The following TMEM269 variants were observed in gnomAD, a reference collection of about 807,000 sequenced individuals.
TMEM269 encodes transmembrane protein 269.
Under a neutral mutation model 15.8 loss-of-function variants are expected in TMEM269, and 12 were observed. That is an observed-to-expected ratio of 0.76 (90% CI 0.49 to 1.23). The LOEUF (loss-of-function observed/expected upper bound fraction) is 1.23, where lower values mean the gene tolerates loss of function less well. Ranked by LOEUF, TMEM269 falls within the 50% of genes most tolerant of loss-of-function variation. The pLI is 0.00. For missense variants in TMEM269, 211 were observed against 245.4 expected (o/e 0.86, Z 0.94); for synonymous variants, 93 against 99.3 (o/e 0.94, Z 0.38).
intron 1 of TMEM269, chr1:42,789,428 C>G: frequency 6.5e-7 from 1 of 1,535,346 alleles, no homozygotes; most frequent in South Asian, 1.2e-5. Context: ...GGGCCCACCT[C>G]TCAGATGGGA....
At chr1:42,789,447 C>T (rs1653640223) in intron 1 of TMEM269, 1 of 1,535,520 alleles carries the variant, frequency 6.5e-7, no homozygotes, top group African/African-American at 1.4e-5. Context: ...GAGAAGGGCC[C>T]CATACCCCCT....
chr1:42,789,474 G>A, intron 1 of TMEM269: 1 of 1,535,566 alleles, frequency 6.5e-7, no homozygotes, highest in East Asian at 2.4e-5. Context: ...TGGGCCATGG[G>A]GCTTCAGGAG....
At position 42,789,094 on chromosome 1, in the gene TMEM269, T is replaced by C. The variant is rs376471877; in HGVS notation, c.-98-702T>C. ...TGCACCGCCACACCCGGCTAATTTTTGTATTTTTAGTAGAGACAGGGTTTC... is the reference window on the plus strand; with the variant it reads ...TGCACCGCCACACCCGGCTAATTTTCGTATTTTTAGTAGAGACAGGGTTTC... On this transcript the variant is annotated intron_variant, in intron 1 of 5. Transcript: ENST00000637012. 2.6e-5 allele frequency among the ~76,000 whole-genome samples: 4 copies of C among 152,128 alleles called. No homozygotes were observed. In the East Asian group the frequency reaches 7.7e-4, roughly 29 times the overall value.
chr1:42,797,670 G>A lies in TMEM269; in HGVS notation c.485-428G>A, dbSNP rs544560252. Among the ~76,000 whole-genome samples, 48 of 152,346 alleles carry A rather than the reference G, an allele frequency of 3.2e-4. No individual in the cohort carries two copies. The highest frequency in any genetic ancestry group is 2.1e-3 in the Admixed American group (32 of 15,298). On this transcript the variant is annotated intron_variant, in intron 5 of 5. Coordinates refer to ENST00000637012, the MANE Select transcript of TMEM269 (RefSeq NM_001354602.2). This position sits in a 1 kb window ranked among gnomAD's most constrained non-coding sequence, Gnocchi z 4.9. The stretch of plus-strand genomic sequence containing the variant: ...GCCAGCCTTGCAAGAAGGCCTTTCT[G>A]AGGATAGCAGTCTCAGGCCTGCACG...
chr1:42,794,751 A>T, intron 5 of TMEM269, 138 bp downstream of exon 5: 1 of 676,440 alleles, frequency 1.5e-6, no homozygotes, highest in Non-Finnish European at 2.5e-6. Flanking sequence ...CATATTTACT[A>T]GTTTTCTTAT....
intron 2 of TMEM269, 57 bp from the exon 3 acceptor site, chr1:42,792,748 C>A: frequency 9.6e-7 from 1 of 1,039,402 alleles, no homozygotes; most frequent in Non-Finnish European, 1.5e-6. Flanking sequence ...AGGGGAGAGT[C>A]TCCAGTGGAA....
intron 1 of TMEM269, 26 bp downstream of exon 1, chr1:42,785,108 G>A (rs1653513701): frequency 6.6e-6 from 1 of 152,372 alleles, no homozygotes; most frequent in African/African-American, 2.4e-5. Flanking sequence ...CGCGTGGAAG[G>A]GGCGAGAAGG....
chr1:42,799,257 A>T lies in TMEM269; in HGVS notation c.*1032A>T, dbSNP rs1214053184. ...AAACAGTACTGTATGGCAAAGGTGT[A>T]CCTCACCGAGAACTCAGGTCCACTG... is the stretch of plus-strand genomic sequence containing the variant. On this transcript the variant is annotated 3_prime_UTR_variant, in exon 6 of 6. Coordinates refer to ENST00000637012, the MANE Select transcript of TMEM269 (RefSeq NM_001354602.2). 6.6e-6 allele frequency: 1 copy of T among 151,876 alleles called. No individual in the cohort carries two copies. Among genetic ancestry groups the T allele is most frequent in the Non-Finnish European group, 1.5e-5 (1 of 67,972 alleles). The allele number at this position is 151,876 out of a possible 1,614,324, so 9.4% of individuals were successfully genotyped here.
rs972816826 is a variant in TMEM269 at position 42,788,060 on chromosome 1, C to T, written c.-98-1736C>T. ...CTCTGGCCATGTAGCTACTGATCAC[C>T]TTTGGTGAGTGAGGCTGGCCCATGG... On this transcript the variant is annotated intron_variant, in intron 1 of 5. Coordinates refer to ENST00000637012, the MANE Select transcript of TMEM269 (RefSeq NM_001354602.2). This position sits in a 1 kb window ranked among gnomAD's most constrained non-coding sequence, Gnocchi z 4.0. The T allele has an allele frequency of 2.0e-5, 3 of 152,374 alleles. No homozygotes were observed. Among genetic ancestry groups the T allele is most frequent in the Non-Finnish European group, 2.9e-5 (2 of 68,170 alleles). 9.4% of individuals were successfully genotyped at this position (152,374 alleles called of 1,614,324 possible).
intron 2 of TMEM269, among the ~76,000 whole-genome samples, chr1:42,790,743 C>A (rs1391243796): frequency 6.6e-6 from 1 of 152,010 alleles, no homozygotes; most frequent in African/African-American, 2.4e-5. Context: ...CAGAAAATTT[C>A]TATCCTCTTA....
chr1:42,792,985 C>T (rs905321872), intron 3 of TMEM269, 83 bp downstream of exon 3: 28 of 1,089,524 alleles, frequency 2.6e-5, no homozygotes, highest in Non-Finnish European at 3.4e-5. Flanking sequence ...TCTAACATCC[C>T]GCAGGCCTTC....
intron 1 of TMEM269, among the ~76,000 whole-genome samples, 177 bp downstream of exon 1, chr1:42,785,259 G>A (rs1206290680): frequency 6.6e-6 from 1 of 152,202 alleles, no homozygotes; most frequent in Admixed American, 6.5e-5. Flanking sequence ...GCCCTCCGTC[G>A]GAGGGTTTCC....
At chr1:42,793,358 A>G (rs1000603854) in intron 3 of TMEM269, among the ~76,000 whole-genome samples, 6 of 152,218 alleles carry the variant, frequency 3.9e-5, no homozygotes, top group African/African-American at 1.4e-4. Context: ...CAAGCCTTGC[A>G]TGTTAAGGGA....
In TMEM269 at chr1:42,793,582, C is replaced by A. The variant is rs2124219920; in HGVS notation, c.140-19C>A. 1 of 1,544,884 alleles carries A rather than the reference C, an allele frequency of 6.5e-7. No individual in the cohort carries two copies. Among genetic ancestry groups the A allele is most frequent in the South Asian group, 1.2e-5 (1 of 83,122 alleles). On this transcript the variant is annotated intron_variant, in intron 3 of 5. Coordinates refer to ENST00000637012, the MANE Select transcript of TMEM269 (RefSeq NM_001354602.2). The stretch of plus-strand genomic sequence containing the variant: ...ACGTGGGAGTATAAGTTCTTCTAAC[C>A]TTGGGCCGTCTGGGGCAGGAGCCGA...
At chr1:42,786,675 G>A (rs548570605) in intron 1 of TMEM269, among the ~76,000 whole-genome samples, 18 of 152,190 alleles carry the variant, frequency 1.2e-4, no homozygotes, top group Non-Finnish European at 2.2e-4. Context: ...GCCCCTTTTC[G>A]GTGCTCCATT....
chr1:42,795,775 C>T (rs766070183), intron 5 of TMEM269, among the ~76,000 whole-genome samples: 2 of 152,218 alleles, frequency 1.3e-5, no homozygotes. Context: ...GTAAACAAGA[C>T]AAACATCTAT....
In TMEM269 at chr1:42,798,134, C is replaced by T. The variant is rs562846160; in HGVS notation, c.521C>T (p.Ser174Phe). 516 of 1,551,060 alleles carry T rather than the reference C, an allele frequency of 3.3e-4. 3 individuals carry two copies. In the South Asian group the frequency reaches 5.9e-3, roughly 18 times the overall value. Residue 174 changes from serine (S) to phenylalanine (F), a missense_variant, in exon 6 of 6, where the codon TCT becomes TTT. Ser to Phe is a radical substitution (Grantham distance 155). Coordinates refer to ENST00000637012, the MANE Select transcript of TMEM269 (RefSeq NM_001354602.2). ...CTGTTTTTCTCCCCATTGTCTCTGTCTGCTTTTTACTGCCTGATGTGGTCG... is the reference window on the plus strand; with the variant it reads ...CTGTTTTTCTCCCCATTGTCTCTGTTTGCTTTTTACTGCCTGATGTGGTCG... ...IMLFFSPLSL[S>F]AFYCLMWSLS...
chr1:42,791,773 C>T lies in TMEM269; in HGVS notation c.42-1032C>T, dbSNP rs193097526. Among the ~76,000 whole-genome samples the T allele has an allele frequency of 4.4e-3, 672 of 152,106 alleles. 2 individuals are homozygous for T. The highest frequency in any genetic ancestry group is 7.8e-3 in the Non-Finnish European group (530 of 67,968). The stretch of plus-strand genomic sequence containing the variant: ...TTCCAGCACTTTGGGAAGCTGAGGC[C>T]GGCGGATCACTTGAGGTCAGGAGCT... On this transcript the variant is annotated intron_variant, in intron 2 of 5. Coordinates refer to ENST00000637012, the MANE Select transcript of TMEM269 (RefSeq NM_001354602.2).
chr1:42,795,030 A>G (rs1256852983), intron 5 of TMEM269, among the ~76,000 whole-genome samples: 1 of 152,212 alleles, frequency 6.6e-6, no homozygotes, highest in Non-Finnish European at 1.5e-5. Context: ...AATGGCAGAA[A>G]TATCTAGAAA....
Sources: gnomAD v4.1 joint callset for allele counts (sites outside exome capture counted in the v4.1 genomes callset) on GRCh38, gnomAD v4.1.1 for gene constraint, Gnocchi (gnomAD v3.1) non-coding constraint, MANE v1.5 for transcripts, NCBI Gene and HGNC (gene_info 2026-07-23, HGNC 2026-07-21) for gene names.